The following DLG2 variants were observed in gnomAD, a reference collection of about 807,000 sequenced individuals.
DLG2 encodes disks large homolog 2.
DLG2 carries 45 observed loss-of-function variants against 132.5 expected under a neutral mutation model. That is an observed-to-expected ratio of 0.34 (90% CI 0.27 to 0.44). The LOEUF (loss-of-function observed/expected upper bound fraction) is 0.44. Ranked by LOEUF, DLG2 falls within the 20% of genes least tolerant of loss-of-function variation. The pLI, the probability that DLG2 is intolerant of heterozygous loss-of-function variation, is 1.00. For missense variants in DLG2, 1,045 were observed against 1,196.9 expected, an observed-to-expected ratio of 0.87 and a Z score of 1.87; for synonymous variants, 424 against 419.6, an observed-to-expected ratio of 1.01 and a Z score of -0.13.
chr11:83,630,656 A>T (rs543548185), intron 19 of DLG2, among the ~76,000 whole-genome samples: 22 of 152,262 alleles, frequency 1.4e-4, no homozygotes, highest in Admixed American at 1.3e-3. Context: ...AGTGTATTCA[A>T]CAGCTGACAC....
intron 11 of DLG2, among the ~76,000 whole-genome samples, chr11:84,029,068 C>T: frequency 1.3e-5 from 2 of 151,712 alleles, no homozygotes; most frequent in East Asian, 3.9e-4. Context: ...GATATGGCAC[C>T]TTTTCTAACT....
At chr11:84,810,482 AG>A (rs1269409857) in intron 6 of DLG2, among the ~76,000 whole-genome samples, 1 of 152,180 alleles carries the variant, frequency 6.6e-6, no homozygotes, top group Non-Finnish European at 1.5e-5. Context: ...AACATATGAC[AG>A]CAATTGCTAT....
chr11:84,422,568 T>C (rs967401028), intron 7 of DLG2, among the ~76,000 whole-genome samples: 4 of 152,212 alleles, frequency 2.6e-5, no homozygotes, highest in African/African-American at 9.6e-5. Flanking sequence ...TCTTTATAAC[T>C]CATTACGCAC....
At chr11:83,979,324 C>T (rs1163847156) in intron 12 of DLG2, among the ~76,000 whole-genome samples, 1 of 152,138 alleles carries the variant, frequency 6.6e-6, no homozygotes, top group African/African-American at 2.4e-5. Flanking sequence ...CCAGACACTT[C>T]TCACAAAATT....
intron 8 of DLG2, among the ~76,000 whole-genome samples, chr11:84,196,407 T>C (rs1454271166): frequency 6.6e-6 from 1 of 152,118 alleles, no homozygotes; most frequent in African/African-American, 2.4e-5. Context: ...TGAGAAAGTG[T>C]TGAGCGGCCA....
chr11:84,398,167 C>T (rs1382302498), intron 7 of DLG2, among the ~76,000 whole-genome samples: 2 of 152,052 alleles, frequency 1.3e-5, no homozygotes, highest in African/African-American at 4.8e-5. Context: ...TAACAATATT[C>T]GAAAAACAAA....
chr11:85,141,786 T>C (rs1041910426), intron 5 of DLG2, among the ~76,000 whole-genome samples: 12 of 151,916 alleles, frequency 7.9e-5, no homozygotes, highest in Admixed American at 2.6e-4. Context: ...TATCCAGTTT[T>C]CCTGGCACAA....
chr11:85,033,643 C>G (rs966371938), intron 6 of DLG2, among the ~76,000 whole-genome samples: 16 of 152,178 alleles, frequency 1.1e-4, no homozygotes, highest in Non-Finnish European at 2.1e-4. Flanking sequence ...CCAGTGAGCT[C>G]TACTCAGATT....
chr11:84,525,459 T>C (rs1405241405), intron 7 of DLG2, among the ~76,000 whole-genome samples: 1 of 152,180 alleles, frequency 6.6e-6, no homozygotes, highest in Non-Finnish European at 1.5e-5. Flanking sequence ...CTATATGTAA[T>C]ATGTCTCAAT....
At chr11:84,847,129 A>G (rs1425710944) in intron 6 of DLG2, among the ~76,000 whole-genome samples, 1 of 152,182 alleles carries the variant, frequency 6.6e-6, no homozygotes, top group African/African-American at 2.4e-5. Flanking sequence ...TGAATAATCA[A>G]AACAGAAATT....
At chr11:84,001,810 T>C (rs1027854842) in intron 11 of DLG2, among the ~76,000 whole-genome samples, 4 of 152,094 alleles carry the variant, frequency 2.6e-5, no homozygotes, top group African/African-American at 7.2e-5. Flanking sequence ...TACAAGTACA[T>C]GGAAATTAAA....
chr11:84,802,273 T>C (rs918537193), intron 6 of DLG2, among the ~76,000 whole-genome samples: 2 of 151,866 alleles, frequency 1.3e-5, no homozygotes, highest in Admixed American at 1.3e-4. Flanking sequence ...GAAATAGGAA[T>C]AATAGGAAAG....
intron 4 of DLG2, among the ~76,000 whole-genome samples, chr11:85,274,264 A>G (rs1287565602): frequency 6.6e-6 from 1 of 152,184 alleles, no homozygotes; most frequent in Admixed American, 6.5e-5. Flanking sequence ...TAAAAAAAGT[A>G]AGATTAGGTC....
chr11:85,505,348 G>T (rs1285926093), intron 3 of DLG2, among the ~76,000 whole-genome samples: 1 of 152,082 alleles, frequency 6.6e-6, no homozygotes, highest in African/African-American at 2.4e-5. Context: ...TATGATATTG[G>T]CTGTGGGTTT....
intron 3 of DLG2, among the ~76,000 whole-genome samples, chr11:85,444,408 T>A (rs534241688): frequency 2.6e-5 from 4 of 152,152 alleles, no homozygotes; most frequent in Non-Finnish European, 5.9e-5. Flanking sequence ...TAAAGAGTGT[T>A]ATAATATCAG....
intron 12 of DLG2, among the ~76,000 whole-genome samples, chr11:83,965,940 G>GTAGTT (rs1237638511): frequency 6.6e-6 from 1 of 152,032 alleles, no homozygotes; most frequent in African/African-American, 2.4e-5. Context: ...TAGCAGCAAT[G>GTAGTT]TAGTTTAACA....
chr11:83,918,903 C>A (rs772335043), intron 15 of DLG2, among the ~76,000 whole-genome samples: 8 of 152,114 alleles, frequency 5.3e-5, no homozygotes, highest in East Asian at 1.9e-4. Flanking sequence ...CCAGACACTG[C>A]CCAGTTCTTA....
At chr11:84,106,943 T>TGC (rs2092981604) in intron 9 of DLG2, among the ~76,000 whole-genome samples, 1 of 40,576 alleles carries the variant, frequency 2.5e-5, no homozygotes, top group African/African-American at 8.7e-5. Flanking sequence ...AGTGTGTGTG[T>TGC]GAGAGAGAGA....
chr11:83,823,820 T>C (rs2051606721), intron 17 of DLG2, among the ~76,000 whole-genome samples: 1 of 152,212 alleles, frequency 6.6e-6, no homozygotes, highest in Non-Finnish European at 1.5e-5. Flanking sequence ...AGCCTTCGTA[T>C]ACAATGGCTT....
Sources: allele counts gnomAD v4.1 joint callset (sites outside exome capture counted in the v4.1 genomes callset), GRCh38; gene constraint gnomAD v4.1.1; transcripts MANE v1.5; gene names NCBI Gene and HGNC (gene_info 2026-07-23, HGNC 2026-07-21).